The following ALCAM variants were observed in gnomAD, a reference collection of about 807,000 sequenced individuals.
ALCAM encodes the protein CD166 antigen.
A neutral mutation model predicts 70.9 loss-of-function variants in ALCAM; 30 were observed. The ratio of observed to expected loss-of-function variants is 0.42; its 90% CI spans 0.32 to 0.57. The LOEUF is 0.57. ALCAM is among the 20% of genes least tolerant of loss of function. The pLI, the probability that ALCAM is intolerant of heterozygous loss-of-function variation, is 0.11. For synonymous variants in ALCAM, 249 were observed against 242.5 expected, an observed-to-expected ratio of 1.03 and a Z score of -0.25; for missense variants, 591 against 695.1, an observed-to-expected ratio of 0.85 and a Z score of 1.68.
chr3:105,568,295 T>C (rs757894924), intron 14 of ALCAM, among the ~76,000 whole-genome samples: 1 of 152,114 alleles, frequency 6.6e-6, no homozygotes, highest in Non-Finnish European at 1.5e-5. Flanking sequence ...TTTACCATGT[T>C]GGCCAGGCTG....
intron 14 of ALCAM, among the ~76,000 whole-genome samples, chr3:105,557,897 G>C (rs931465260): frequency 8.6e-5 from 13 of 151,998 alleles, no homozygotes; most frequent in Admixed American, 2.6e-4. Flanking sequence ...AAATTCTAAG[G>C]TTATAAAATT....
chr3:105,471,484 TACG>T (rs976608913), intron 1 of ALCAM, among the ~76,000 whole-genome samples: 15 of 151,248 alleles, frequency 9.9e-5, no homozygotes, highest in African/African-American at 3.6e-4. Context: ...TCCACGTAAA[TACG>T]ACTTCATTTT....
chr3:105,563,104 C>A (rs1448816509), intron 14 of ALCAM, among the ~76,000 whole-genome samples: 1 of 151,744 alleles, frequency 6.6e-6, no homozygotes, highest in Non-Finnish European at 1.5e-5. Flanking sequence ...CAGCACCCAG[C>A]CAAATTTCAA....
intron 3 of ALCAM, among the ~76,000 whole-genome samples, chr3:105,527,240 A>G (rs1296641648): frequency 6.6e-6 from 1 of 152,164 alleles, no homozygotes; most frequent in Non-Finnish European, 1.5e-5. Context: ...AGGTGCCCAA[A>G]GATTCGTTCT....
rs1935084699 is a variant in ALCAM, at chr3:105,367,318, C to A, written c.-91C>A. 1.5e-6 allele frequency: 2 copies of A among 1,372,478 alleles called. No individual in the cohort carries two copies. The highest frequency in any genetic ancestry group is 2.0e-6 in the Non-Finnish European group (2 of 979,608). 85.0% of individuals were successfully genotyped at this position (1,372,478 alleles called of 1,614,324 possible). On this transcript the variant is annotated 5_prime_UTR_variant, in exon 1 of 16. Transcript: ENST00000306107. ...AGAAGACGCTGCCCCTGCGTCGGGA[C>A]CCGCCAGCGCGCGGGCACCGCGGGG...
chr3:105,551,676 C>G (rs1286607061), intron 12 of ALCAM, among the ~76,000 whole-genome samples: 1 of 151,448 alleles, frequency 6.6e-6, no homozygotes, highest in East Asian at 1.9e-4. Context: ...CCAGTTTTAA[C>G]CTCTACTCCT....
intron 14 of ALCAM, among the ~76,000 whole-genome samples, chr3:105,565,999 G>A (rs1441772377): frequency 1.3e-5 from 2 of 152,212 alleles, no homozygotes; most frequent in Non-Finnish European, 2.9e-5. Context: ...ACAAAGCCTG[G>A]ATTGTCATCA....
At chr3:105,402,561 C>A (rs752639391) in intron 1 of ALCAM, among the ~76,000 whole-genome samples, 1 of 152,116 alleles carries the variant, frequency 6.6e-6, no homozygotes, top group Non-Finnish European at 1.5e-5. Flanking sequence ...GGAGTGAGAC[C>A]GGCCTTTAGG....
chr3:105,534,448 TTAAG>T (rs1440815531), intron 5 of ALCAM, among the ~76,000 whole-genome samples: 7 of 152,072 alleles, frequency 4.6e-5, no homozygotes, highest in African/African-American at 1.4e-4. Context: ...TAGAAGTTAA[TTAAG>T]TGAGTGGGAA....
chr3:105,528,157 T>C (rs1008367408), intron 3 of ALCAM, among the ~76,000 whole-genome samples: 2 of 152,152 alleles, frequency 1.3e-5, no homozygotes, highest in Admixed American at 6.6e-5. Flanking sequence ...ATCCTATGTG[T>C]GGGTTTTTAT....
In ALCAM at chr3:105,541,638, G is replaced by A; in HGVS notation, c.864G>A (p.Gln288=). 7 of 1,611,566 alleles carry A rather than the reference G, an allele frequency of 4.3e-6. No homozygotes were observed. The highest frequency in any genetic ancestry group is 5.9e-6 in the Non-Finnish European group (7 of 1,178,486). ...PEEFLFYLPG[Q]PEGIRSSNTY... ...CATTTTGCCTCTATCAAAAGGGACA[G>A]CCCGAAGGAATAAGAAGCTCAAATA... Residue 288 remains glutamine, a synonymous_variant, in exon 8 of 16, where the codon CAG becomes CAA. Transcript: ENST00000306107.
In ALCAM at chr3:105,575,445, CA is replaced by C; in HGVS notation, c.*995del. 1 of 152,596 alleles carries C rather than the reference CA, an allele frequency of 6.6e-6. No homozygotes were observed. The allele number at this position is 152,596 out of a possible 1,614,324, so 9.5% of individuals were successfully genotyped here. A position where few individuals can be genotyped will look rare whatever the true frequency, so the allele number is the denominator to read the frequency against. On this transcript the variant is annotated 3_prime_UTR_variant, in exon 16 of 16. Coordinates refer to ENST00000306107, the MANE Select transcript of ALCAM (RefSeq NM_001627.4). ...ATTATCAAAGCTGTGTTATTTTCCA[CA>C]GAATATAGAATATATATTTTTTTCG...
At chr3:105,532,789 AGAT>A (rs777700894) in intron 4 of ALCAM, among the ~76,000 whole-genome samples, 8 of 152,154 alleles carry the variant, frequency 5.3e-5, no homozygotes, top group Non-Finnish European at 8.8e-5. Flanking sequence ...GGATAGAAAG[AGAT>A]GAATCTGGAG....
chr3:105,401,965 A>G (rs1370415490), intron 1 of ALCAM, among the ~76,000 whole-genome samples: 3 of 151,732 alleles, frequency 2.0e-5, no homozygotes, highest in Non-Finnish European at 2.9e-5. Flanking sequence ...ATGTGTAGCC[A>G]TGATTGCAAA....
intron 2 of ALCAM, among the ~76,000 whole-genome samples, chr3:105,521,796 G>A (rs1939552350): frequency 6.6e-6 from 1 of 152,150 alleles, no homozygotes; most frequent in African/African-American, 2.4e-5. Flanking sequence ...GGAAATGAAA[G>A]GAAAGGAAAG....
chr3:105,516,663 A>G (rs988768279), intron 1 of ALCAM, among the ~76,000 whole-genome samples: 22 of 152,104 alleles, frequency 1.4e-4, no homozygotes, highest in Admixed American at 8.5e-4. Context: ...TTTAATAGCA[A>G]CAGTAATAAT....
At chr3:105,485,476 C>CA (rs1463428602) in intron 1 of ALCAM, among the ~76,000 whole-genome samples, 6 of 151,274 alleles carry the variant, frequency 4.0e-5, no homozygotes, top group Non-Finnish European at 8.9e-5. Context: ...TCCTAGAATG[C>CA]AAAAAAATAT....
intron 1 of ALCAM, among the ~76,000 whole-genome samples, chr3:105,519,813 A>G (rs1392077426): frequency 6.6e-6 from 1 of 152,152 alleles, no homozygotes; most frequent in East Asian, 1.9e-4. Context: ...CTCTAGTAAA[A>G]TTGGAGATCT....
intron 1 of ALCAM, among the ~76,000 whole-genome samples, chr3:105,471,498 A>T (rs1364897916): frequency 6.6e-6 from 1 of 151,282 alleles, no homozygotes; most frequent in Non-Finnish European, 1.5e-5. Flanking sequence ...ACTTCATTTT[A>T]GATTAGTTAT....
Sources: allele counts gnomAD v4.1 joint callset (sites outside exome capture counted in the v4.1 genomes callset), GRCh38; gene constraint gnomAD v4.1.1; transcripts MANE v1.5; gene names NCBI Gene and HGNC (gene_info 2026-07-23, HGNC 2026-07-21).